Variants in FHOD3 observed in about 807,000 individuals in gnomAD.
The protein encoded by FHOD3 is FH1/FH2 domain-containing protein 3.
Under a neutral mutation model 173.0 loss-of-function variants are expected in FHOD3, and 90 were observed. The ratio of observed to expected loss-of-function variants is 0.52; its 90% CI spans 0.44 to 0.62. The LOEUF is 0.62. Ranked by LOEUF, FHOD3 falls within the 20% of genes least tolerant of loss-of-function variation. The pLI is 0.00. For synonymous variants in FHOD3, 828 were observed against 823.0 expected, an observed-to-expected ratio of 1.01 and a Z score of -0.10; for missense variants, 1,945 against 2,034.7, an observed-to-expected ratio of 0.96 and a Z score of 0.85.
chr18:36,708,853 T>C (rs2040018196), intron 17 of FHOD3, among the ~76,000 whole-genome samples: 1 of 152,186 alleles, frequency 6.6e-6, no homozygotes, highest in East Asian at 1.9e-4. Context: ...CCTGATTGGA[T>C]CCAACTCATC....
At position 36,718,393 on chromosome 18, in the gene FHOD3, TGCC is replaced by T. The variant is rs765909608; in HGVS notation, c.3099_3101del (p.Pro1039del). The T allele has an allele frequency of 4.1e-6, 5 of 1,228,564 alleles. No homozygotes were observed. The highest frequency in any genetic ancestry group is 5.4e-6 in the Non-Finnish European group (5 of 923,134). The allele number at this position is 1,228,564 out of a possible 1,614,324, so 76.1% of individuals were successfully genotyped here. A position where few individuals can be genotyped will look rare whatever the true frequency, so the allele number is the denominator to read the frequency against. On this transcript the variant is annotated inframe_deletion, in exon 19 of 29. Coordinates refer to ENST00000590592, the MANE Select transcript of FHOD3 (RefSeq NM_001281740.3). ...CCACCCCCACCCACCTTTCTGGGTT[TGCC>T]GCCCCCACCCCCTCCGCCCCTGTTG...
chr18:36,466,414 T>C (rs1009873181), intron 3 of FHOD3, among the ~76,000 whole-genome samples: 1 of 152,184 alleles, frequency 6.6e-6, no homozygotes, highest in African/African-American at 2.4e-5. Flanking sequence ...ACCTCCTCCA[T>C]GGCTTGAAGG....
chr18:36,643,074 T>G (rs1480069232), intron 10 of FHOD3, among the ~76,000 whole-genome samples: 1 of 152,158 alleles, frequency 6.6e-6, no homozygotes, highest in Non-Finnish European at 1.5e-5. Context: ...TATTGTCACG[T>G]GAAGCTGGCA....
chr18:36,732,677 G>A (rs755399355), intron 20 of FHOD3, among the ~76,000 whole-genome samples: 25 of 152,182 alleles, frequency 1.6e-4, no homozygotes, highest in Non-Finnish European at 2.8e-4. Flanking sequence ...GTGAGTGGGC[G>A]ACAGCTGGGA....
chr18:36,436,853 A>G lies in FHOD3; in HGVS notation c.337+64109A>G, dbSNP rs570511441. 3.9e-5 allele frequency among the ~76,000 whole-genome samples: 6 copies of G among 152,234 alleles called. No individual in the cohort carries two copies. The East Asian group carries it at 1.2e-3, about 29-fold the overall frequency. ...ATAAAAGTTGAAAATTAATGTTCTG[A>G]GCTTGCCAAAATTATGCTAAAACCT... is the stretch of plus-strand genomic sequence containing the variant. On this transcript the variant is annotated intron_variant, in intron 3 of 28. Transcript: ENST00000590592.
At chr18:36,333,219 A>T (rs999533582) in intron 1 of FHOD3, among the ~76,000 whole-genome samples, 1 of 152,164 alleles carries the variant, frequency 6.6e-6, no homozygotes, top group South Asian at 2.1e-4. Context: ...TCTAGACTTT[A>T]TCGGGTTCTA....
chr18:36,596,854 C>T (rs1023804372), intron 7 of FHOD3, among the ~76,000 whole-genome samples: 2 of 152,048 alleles, frequency 1.3e-5, no homozygotes, highest in East Asian at 1.9e-4. Context: ...ATCATGGGGC[C>T]GGCCCAGAAT....
intron 3 of FHOD3, among the ~76,000 whole-genome samples, chr18:36,472,032 G>C (rs2053314747): frequency 6.6e-6 from 1 of 152,124 alleles, no homozygotes; most frequent in Non-Finnish European, 1.5e-5. Context: ...CTCAAACTCA[G>C]ATAATGATGT....
chr18:36,498,922 AATG>A (rs749614653), intron 3 of FHOD3, among the ~76,000 whole-genome samples: 5 of 152,308 alleles, frequency 3.3e-5, no homozygotes, highest in Non-Finnish European at 5.9e-5. Flanking sequence ...GAACACAACT[AATG>A]ATGATCTTCA....
At chr18:36,619,084 T>A (rs1330529445) in intron 9 of FHOD3, among the ~76,000 whole-genome samples, 7 of 152,218 alleles carry the variant, frequency 4.6e-5, no homozygotes, top group Non-Finnish European at 1.0e-4. Flanking sequence ...TCTACCTTCC[T>A]TTTCCTCTGC....
At chr18:36,482,871 A>C (rs1421788000) in intron 3 of FHOD3, among the ~76,000 whole-genome samples, 2 of 52,640 alleles carry the variant, frequency 3.8e-5, no homozygotes, top group Non-Finnish European at 8.2e-5. Context: ...AGAGAGAGAG[A>C]GAGAGAGAGA....
intron 17 of FHOD3, among the ~76,000 whole-genome samples, chr18:36,695,675 CA>C (rs1186498109): frequency 6.6e-6 from 1 of 152,168 alleles, no homozygotes; most frequent in Non-Finnish European, 1.5e-5. Context: ...TAAAATTGGA[CA>C]TCGCAAGTGT....
At chr18:36,639,778 G>A (rs28563966) in intron 10 of FHOD3, among the ~76,000 whole-genome samples, 10,902 of 151,804 alleles carry the variant, frequency 0.072, 666 homozygotes, top group East Asian at 0.22. Flanking sequence ...AGCCGAGATC[G>A]TGCCAGCAAC....
chr18:36,692,306 A>G (rs1202036381), intron 16 of FHOD3, among the ~76,000 whole-genome samples: 1 of 152,228 alleles, frequency 6.6e-6, no homozygotes, highest in Non-Finnish European at 1.5e-5. Context: ...GATAGATGCA[A>G]AGTGAGCGTC....
chr18:36,734,846 G>T (rs1414611894), intron 20 of FHOD3, among the ~76,000 whole-genome samples: 1 of 152,146 alleles, frequency 6.6e-6, no homozygotes, highest in Non-Finnish European at 1.5e-5. Flanking sequence ...TCGTTTGAAA[G>T]CTCTGTGTAC....
chr18:36,377,541 A>G (rs8088937), intron 3 of FHOD3, among the ~76,000 whole-genome samples: 6,607 of 152,094 alleles, frequency 0.043, 478 homozygotes, highest in African/African-American at 0.15. Context: ...TCTTTTTGAC[A>G]CTCTTGTTCT....
intron 3 of FHOD3, among the ~76,000 whole-genome samples, chr18:36,476,026 C>G (rs1420857848): frequency 6.6e-6 from 1 of 152,092 alleles, no homozygotes; most frequent in Non-Finnish European, 1.5e-5. Context: ...TTTTTAAAAG[C>G]ATTTCACTAA....
intron 3 of FHOD3, among the ~76,000 whole-genome samples, chr18:36,463,383 T>A (rs965015637): frequency 7.2e-6 from 1 of 139,546 alleles, no homozygotes; most frequent in African/African-American, 2.7e-5. Context: ...TATTTTTATT[T>A]AAAAAAATAA....
chr18:36,539,084 T>C (rs1390430), intron 5 of FHOD3, among the ~76,000 whole-genome samples: 16,343 of 152,274 alleles, frequency 0.11, 1,324 homozygotes, highest in East Asian at 0.48. Context: ...TTATGTTGCT[T>C]AGCTTCTATA....
Sources: gnomAD v4.1 joint callset for allele counts (sites outside exome capture counted in the v4.1 genomes callset) on GRCh38, gnomAD v4.1.1 for gene constraint, MANE v1.5 for transcripts, NCBI Gene and HGNC (gene_info 2026-07-23, HGNC 2026-07-21) for gene names.